Variants in SORCS1 observed in about 807,000 individuals in gnomAD.
The protein encoded by SORCS1 is sortilin related VPS10 domain containing receptor 1.
SORCS1 carries 60 observed loss-of-function variants against 146.1 expected under a neutral mutation model. The ratio of observed to expected loss-of-function variants is 0.41; its 90% confidence interval spans 0.33 to 0.51. The LOEUF (loss-of-function observed/expected upper bound fraction) is 0.51. Among genes scored for constraint, SORCS1 ranks in the 20% least tolerant of loss-of-function variants. SORCS1 has a pLI of 0.21. For missense variants in SORCS1, 1,352 were observed against 1,487.6 expected (o/e 0.91, Z 1.50); for synonymous variants, 637 against 584.0 (o/e 1.09, Z -1.31).
intron 1 of SORCS1, among the ~76,000 whole-genome samples, chr10:107,146,658 C>T (rs765126559): frequency 2.0e-5 from 3 of 152,208 alleles, no homozygotes; most frequent in Non-Finnish European, 2.9e-5. Flanking sequence ...GCGTCCTAAA[C>T]GCAGTAGAAT....
chr10:106,749,729 T>C (rs61867270), intron 5 of SORCS1, among the ~76,000 whole-genome samples: 16,414 of 152,220 alleles, frequency 0.11, 965 homozygotes, highest in East Asian at 0.22. Context: ...AGAAACACAT[T>C]AATATCCAAC....
At chr10:107,014,175 C>T (rs987206837) in intron 1 of SORCS1, among the ~76,000 whole-genome samples, 3 of 150,262 alleles carry the variant, frequency 2.0e-5, no homozygotes, top group Admixed American at 6.7e-5. Flanking sequence ...TTGCTTGAAC[C>T]TGGGAGGCAG....
At chr10:107,123,634 A>T (rs1246129597) in intron 1 of SORCS1, among the ~76,000 whole-genome samples, 1 of 152,176 alleles carries the variant, frequency 6.6e-6, no homozygotes, top group Non-Finnish European at 1.5e-5. Context: ...AAATGTAAGG[A>T]TTTTCTTTTA....
At chr10:106,942,378 C>A (rs147858616) in intron 2 of SORCS1, among the ~76,000 whole-genome samples, 158 of 152,254 alleles carry the variant, frequency 1.0e-3, no homozygotes, top group Non-Finnish European at 1.8e-3. Flanking sequence ...AACCTCTTGT[C>A]CTTCCTCCTG....
chr10:106,808,246 G>A (rs1159703639), intron 3 of SORCS1, among the ~76,000 whole-genome samples: 2 of 152,110 alleles, frequency 1.3e-5, no homozygotes, highest in African/African-American at 2.4e-5. Flanking sequence ...TTGAACTCCC[G>A]ACCTCAGGTG....
At chr10:106,680,076 T>C (rs1366417992) in intron 10 of SORCS1, among the ~76,000 whole-genome samples, 1 of 152,116 alleles carries the variant, frequency 6.6e-6, no homozygotes, top group Non-Finnish European at 1.5e-5. Context: ...CCATAAAAAA[T>C]GAAGAGACAA....
the SORCS1 span, among the ~76,000 whole-genome samples, chr10:107,180,073 T>A: frequency 6.6e-6 from 1 of 151,780 alleles, no homozygotes; most frequent in African/African-American, 2.4e-5. Context: ...TCTGCCACCA[T>A]GCCTATCTAA....
intron 1 of SORCS1, among the ~76,000 whole-genome samples, chr10:107,148,997 T>C (rs926770438): frequency 2.6e-5 from 4 of 152,192 alleles, no homozygotes; most frequent in Admixed American, 2.0e-4. Context: ...CACAACACCC[T>C]AAAACCAGAT....
chr10:106,884,705 T>C lies in SORCS1; in HGVS notation c.627-55032A>G, dbSNP rs181474268. 3.3e-4 allele frequency among the ~76,000 whole-genome samples: 50 copies of C among 152,322 alleles called. 1 individual carries two copies. In the East Asian group the frequency reaches 8.3e-3, roughly 25 times the overall value. On this transcript the variant is annotated intron_variant, in intron 2 of 25. Coordinates refer to ENST00000263054, the MANE Select transcript of SORCS1 (RefSeq NM_052918.5). ...CAATGCTGAATATCACCAGCGGTTGTCAATTAGGAAAACTGCCACCCTGCC... is the reference window on the plus strand; with the variant it reads ...CAATGCTGAATATCACCAGCGGTTGCCAATTAGGAAAACTGCCACCCTGCC...
In SORCS1 at chr10:106,983,566, C is replaced by T. The variant is rs80151333; in HGVS notation, c.559-26986G>A. Among the ~76,000 whole-genome samples, 1,385 of 152,168 alleles carry T rather than the reference C, an allele frequency of 9.1e-3. 18 individuals are homozygous for T. Among genetic ancestry groups the T allele is most frequent in the African/African-American group, 0.03 (1,256 of 41,502 alleles). On this transcript the variant is annotated intron_variant, in intron 1 of 25. Transcript: ENST00000263054. Reference sequence around the variant, plus strand: ...GAGTCAGCTATCTAAGTAAGAAGTGCTTCCTATTTCCCAAGGAGCTATTTG... The same window carrying T: ...GAGTCAGCTATCTAAGTAAGAAGTGTTTCCTATTTCCCAAGGAGCTATTTG...
intron 6 of SORCS1, among the ~76,000 whole-genome samples, chr10:106,717,208 A>T (rs1019899926): frequency 2.6e-5 from 4 of 152,220 alleles, no homozygotes; most frequent in Admixed American, 2.6e-4. Context: ...AGCCCATACA[A>T]GCGCATATAA....
chr10:106,612,373 CT>C (rs1375037449), intron 21 of SORCS1, among the ~76,000 whole-genome samples: 1 of 135,174 alleles, frequency 7.4e-6, no homozygotes, highest in Non-Finnish European at 1.6e-5. Context: ...CTGTCTCCCC[CT>C]TTCCCCCTTT....
rs762932747 is a variant in SORCS1 at position 106,675,050 on chromosome 10, T to A, written c.1939A>T (p.Thr647Ser). The A allele has an allele frequency of 1.5e-5, 24 of 1,610,740 alleles. No individual in the cohort carries two copies. In the South Asian group the frequency reaches 2.6e-4, roughly 18 times the overall value. ...ACCACATCATACTTTTCAACTTACGTCATGATGAGAGTCTCTTCTCCAGGC... is the reference window on the plus strand; with the variant it reads ...ACCACATCATACTTTTCAACTTACGACATGATGAGAGTCTCTTCTCCAGGC... Reference protein sequence around the residue: ...GEPGEETLIMTVFGHFSHRSE... With the variant: ...GEPGEETLIMSVFGHFSHRSE... Residue 647 changes from threonine to serine, a missense_variant and splice_region_variant, in exon 14 of 26, where the codon ACA becomes TCA. By Grantham distance (58) the Thr-to-Ser change is moderately conservative. This residue lies in a region of SORCS1 where 648 missense variants were observed against 793.8 expected (regional missense o/e 0.82). Transcript: ENST00000263054.
At chr10:107,055,290 G>C (rs903071481) in intron 1 of SORCS1, among the ~76,000 whole-genome samples, 4 of 152,150 alleles carry the variant, frequency 2.6e-5, no homozygotes, top group African/African-American at 9.7e-5. Context: ...AATCTCTCAT[G>C]TTAAGCCAGA....
chr10:106,656,449 G>A (rs928622118), intron 17 of SORCS1, among the ~76,000 whole-genome samples: 1 of 152,120 alleles, frequency 6.6e-6, no homozygotes, highest in Non-Finnish European at 1.5e-5. Flanking sequence ...TACTCTACTC[G>A]GGAGGCTGAG....
At chr10:107,064,263 A>T (rs540473972) in intron 1 of SORCS1, among the ~76,000 whole-genome samples, 1 of 152,186 alleles carries the variant, frequency 6.6e-6, no homozygotes, top group Non-Finnish European at 1.5e-5. Context: ...TCTGGAAGGG[A>T]CATTAGAAAT....
intron 19 of SORCS1, among the ~76,000 whole-genome samples, chr10:106,623,476 C>G (rs1438838494): frequency 6.6e-6 from 1 of 151,874 alleles, no homozygotes; most frequent in Non-Finnish European, 1.5e-5. Flanking sequence ...GAACTCCTGA[C>G]CTTGTGATCC....
chr10:107,155,896 ACACTGT>A (rs1969244323), intron 1 of SORCS1, among the ~76,000 whole-genome samples: 1 of 152,198 alleles, frequency 6.6e-6, no homozygotes, highest in African/African-American at 2.4e-5. Flanking sequence ...CACGTTGTGC[ACACTGT>A]CACTGTAGGG....
intron 1 of SORCS1, among the ~76,000 whole-genome samples, chr10:107,049,267 T>G (rs796170856): frequency 0.012 from 1,174 of 97,882 alleles, 10 homozygotes; most frequent in South Asian, 0.027. Context: ...TGGGTACTGT[T>G]GTGGGGTGGG....
Sources: gnomAD v4.1 joint callset for allele counts (sites outside exome capture counted in the v4.1 genomes callset) on GRCh38, gnomAD v4.1.1 for gene constraint, gnomAD v4.1.1 regional missense constraint, MANE v1.5 for transcripts, NCBI Gene and HGNC (gene_info 2026-07-23, HGNC 2026-07-21) for gene names.